LRMDA: variants seen among roughly 807,000 people sequenced by gnomAD.
LRMDA encodes leucine-rich melanocyte differentiation-associated protein.
LRMDA carries 18 observed loss-of-function variants against 29.8 expected under a neutral mutation model. That is an observed-to-expected ratio of 0.60 (90% CI 0.42 to 0.90). The LOEUF (loss-of-function observed/expected upper bound fraction) is 0.90, where lower values mean the gene tolerates loss of function less well. Among genes scored for constraint, LRMDA ranks in the 40% least tolerant of loss-of-function variants. The pLI is 0.00. For synonymous variants in LRMDA, 125 were observed against 109.4 expected, an observed-to-expected ratio of 1.14 and a Z score of -0.89; for missense variants, 273 against 273.9, an observed-to-expected ratio of 1.00 and a Z score of 0.02.
chr10:75,712,408 C>T (rs1266791152), intron 2 of LRMDA, among the ~76,000 whole-genome samples: 3 of 112,332 alleles, frequency 2.7e-5, no homozygotes, highest in Non-Finnish European at 5.0e-5. Context: ...ATCGCGGATC[C>T]GGAAGCAGGG....
chr10:76,047,426 G>A lies in LRMDA; in HGVS notation c.398+123G>A, dbSNP rs1324040575. 16 of 1,028,972 alleles carry A rather than the reference G, an allele frequency of 1.6e-5. 1 individual carries two copies. Among genetic ancestry groups the A allele is most frequent in the Non-Finnish European group, 2.1e-5 (16 of 751,372 alleles). 63.7% of individuals were successfully genotyped at this position (1,028,972 alleles called of 1,614,324 possible). On this transcript the variant is annotated intron_variant, in intron 4 of 6. Coordinates refer to ENST00000611255, the MANE Select transcript of LRMDA (RefSeq NM_001305581.2). ...ATATCAGTGGGTTTCCCATGACAAT[G>A]TTAAACTTTTACCTTTTGGTAACCT...
intron 5 of LRMDA, among the ~76,000 whole-genome samples, chr10:76,141,730 A>G (rs1376059406): frequency 1.3e-5 from 2 of 152,140 alleles, no homozygotes; most frequent in African/African-American, 2.4e-5. Context: ...ACATATATCC[A>G]GCTTTCAAGC....
chr10:76,338,701 T>TAA (rs10676765), intron 6 of LRMDA, among the ~76,000 whole-genome samples: 19,813 of 150,834 alleles, frequency 0.13, 2,114 homozygotes, highest in African/African-American at 0.28. Context: ...CAGATTTGGT[T>TAA]AAAAAAAAAT....
intron 6 of LRMDA, among the ~76,000 whole-genome samples, chr10:76,326,193 A>G (rs1334399328): frequency 6.6e-6 from 1 of 152,162 alleles, no homozygotes; most frequent in Non-Finnish European, 1.5e-5. Context: ...TAGAGAGAAG[A>G]CCGAAGAAGT....
At chr10:75,675,862 G>A (rs16932545) in intron 2 of LRMDA, among the ~76,000 whole-genome samples, 4,587 of 152,186 alleles carry the variant, frequency 0.03, 246 homozygotes, top group African/African-American at 0.11. Context: ...GATCTATTCC[G>A]CAAGGTCCAG....
rs186465108 is a variant in LRMDA at position 75,539,417 on chromosome 10, C to T, written c.131+100923C>T. ...TAAGATGAATTACATGAGGAACTCC[C>T]TCTTTGGGAATGTCATACATTTTAT... On this transcript the variant is annotated intron_variant, in intron 2 of 6. Coordinates refer to ENST00000611255, the MANE Select transcript of LRMDA (RefSeq NM_001305581.2). Among the ~76,000 whole-genome samples, 30 of 152,254 alleles carry T rather than the reference C, an allele frequency of 2.0e-4. 1 individual carries two copies. The highest frequency in any genetic ancestry group is 3.5e-4 in the Non-Finnish European group (24 of 68,004).
At chr10:76,507,796 G>A (rs1842973937) in intron 6 of LRMDA, among the ~76,000 whole-genome samples, 1 of 152,038 alleles carries the variant, frequency 6.6e-6, no homozygotes, top group Non-Finnish European at 1.5e-5. Flanking sequence ...TCAAAAATGA[G>A]TTGGCTATAA....
At chr10:75,539,662 G>A (rs1379477991) in intron 2 of LRMDA, among the ~76,000 whole-genome samples, 2 of 152,222 alleles carry the variant, frequency 1.3e-5, no homozygotes, top group Non-Finnish European at 2.9e-5. Flanking sequence ...GTGGTGATTT[G>A]TAGGAAGCCT....
At chr10:76,036,403 G>GGCT (rs1848246939) in intron 3 of LRMDA, among the ~76,000 whole-genome samples, 1 of 152,080 alleles carries the variant, frequency 6.6e-6, no homozygotes, top group African/African-American at 2.4e-5. Context: ...TCTAAGTTAT[G>GGCT]GCTGTGAAGA....
intron 2 of LRMDA, among the ~76,000 whole-genome samples, chr10:75,807,998 A>G (rs1843888547): frequency 6.6e-6 from 1 of 152,166 alleles, no homozygotes; most frequent in Non-Finnish European, 1.5e-5. Flanking sequence ...GGCACACAGT[A>G]TGTGGGCATT....
intron 2 of LRMDA, among the ~76,000 whole-genome samples, chr10:75,644,133 C>T (rs1467371948): frequency 6.6e-6 from 1 of 152,186 alleles, no homozygotes; most frequent in Non-Finnish European, 1.5e-5. Flanking sequence ...TAGCTTCCCT[C>T]TTATCCCAAG....
intron 2 of LRMDA, among the ~76,000 whole-genome samples, chr10:76,014,127 T>A (rs1245429168): frequency 0.011 from 283 of 26,692 alleles, 1 homozygote; most frequent in African/African-American, 0.028. Flanking sequence ...TATATATAAT[T>A]ATATATATAT....
At chr10:76,456,654 A>T (rs183305298) in intron 6 of LRMDA, among the ~76,000 whole-genome samples, 4,185 of 133,780 alleles carry the variant, frequency 0.031, 152 homozygotes, top group African/African-American at 0.092. Context: ...CACTCTTATT[A>T]AAAAAAAAAA....
chr10:76,198,038 A>G (rs1206115090), intron 5 of LRMDA, among the ~76,000 whole-genome samples: 1 of 152,174 alleles, frequency 6.6e-6, no homozygotes, highest in African/African-American at 2.4e-5. Context: ...GAGATCTTGC[A>G]AATCTTTAAA....
At chr10:76,419,337 A>T (rs568248589) in intron 6 of LRMDA, among the ~76,000 whole-genome samples, 1 of 152,182 alleles carries the variant, frequency 6.6e-6, no homozygotes, top group South Asian at 2.1e-4. Context: ...GGAATCATAC[A>T]GCATGTATCC....
intron 2 of LRMDA, among the ~76,000 whole-genome samples, chr10:75,499,689 C>T (rs568940853): frequency 4.6e-5 from 7 of 152,140 alleles, no homozygotes; most frequent in Admixed American, 1.3e-4. Flanking sequence ...GCAGTGCCTT[C>T]GGTGTGTAGA....
chr10:75,590,091 C>T (rs1314697768), intron 2 of LRMDA, among the ~76,000 whole-genome samples: 1 of 150,888 alleles, frequency 6.6e-6, no homozygotes, highest in African/African-American at 2.4e-5. Context: ...ACAATCAGGG[C>T]TCACTGCAGC....
chr10:76,480,192 C>CT (rs1170796372), intron 6 of LRMDA, among the ~76,000 whole-genome samples: 2 of 151,876 alleles, frequency 1.3e-5, no homozygotes, highest in Admixed American at 1.3e-4. Context: ...CCGTGAGTTT[C>CT]TTTCATTCCT....
chr10:75,690,990 T>TAC (rs748067102), intron 2 of LRMDA, among the ~76,000 whole-genome samples: 1,324 of 91,920 alleles, frequency 0.014, 12 homozygotes, highest in African/African-American at 0.024. Flanking sequence ...TATATATATA[T>TAC]ATATACACAC....
Sources: gnomAD v4.1 joint callset for allele counts (sites outside exome capture counted in the v4.1 genomes callset) on GRCh38, gnomAD v4.1.1 for gene constraint, MANE v1.5 for transcripts, NCBI Gene and HGNC (gene_info 2026-07-23, HGNC 2026-07-21) for gene names.